The following NOL4 variants were observed in gnomAD, a reference collection of about 807,000 sequenced individuals.
The protein encoded by NOL4 is cancer/testis antigen 125.
Under a neutral mutation model 75.9 loss-of-function variants are expected in NOL4, and 17 were observed. That is an observed-to-expected ratio of 0.22 (90% CI 0.15 to 0.34). The LOEUF (loss-of-function observed/expected upper bound fraction) is 0.34. NOL4 is among the 10% of genes least tolerant of loss of function. NOL4 has a pLI of 1.00. For synonymous variants in NOL4, 292 were observed against 289.9 expected (o/e 1.01, Z -0.07); for missense variants, 614 against 793.5 (o/e 0.77, Z 2.72).
chr18:34,031,208 G>A (rs990791014), intron 5 of NOL4, among the ~76,000 whole-genome samples: 5 of 152,164 alleles, frequency 3.3e-5, no homozygotes, highest in Non-Finnish European at 7.4e-5. Flanking sequence ...GGCTATGTCC[G>A]TCTTTGTTCT....
intron 1 of NOL4, among the ~76,000 whole-genome samples, chr18:34,207,694 ACTT>A (rs772352902): frequency 4.7e-4 from 72 of 152,154 alleles, no homozygotes; most frequent in Non-Finnish European, 7.4e-4. Flanking sequence ...AAACTTTCTT[ACTT>A]CTTAGAGTTT....
chr18:34,201,689 G>C (rs1303690246), intron 1 of NOL4, among the ~76,000 whole-genome samples: 2 of 151,618 alleles, frequency 1.3e-5, no homozygotes, highest in African/African-American at 2.4e-5. Flanking sequence ...ACATTCCTAA[G>C]TTCCACAGAT....
chr18:34,142,273 C>A (rs967522324), intron 1 of NOL4, among the ~76,000 whole-genome samples: 1 of 152,142 alleles, frequency 6.6e-6, no homozygotes, highest in African/African-American at 2.4e-5. Flanking sequence ...GTCAGTGTGG[C>A]GATTCCTCAA....
intron 4 of NOL4, among the ~76,000 whole-genome samples, chr18:34,098,527 A>G (rs530923464): frequency 1.4e-4 from 22 of 152,226 alleles, no homozygotes; most frequent in Non-Finnish European, 3.1e-4. Context: ...AAGTAACAAA[A>G]TAAATCACCC....
At chr18:34,165,764 T>A (rs1054674558) in intron 1 of NOL4, among the ~76,000 whole-genome samples, 1 of 152,100 alleles carries the variant, frequency 6.6e-6, no homozygotes, top group Non-Finnish European at 1.5e-5. Flanking sequence ...CTCTAGATAA[T>A]CAAACCAGAG....
rs191938688 is a variant in NOL4 at position 33,990,885 on chromosome 18, C to A, written c.1056+28433G>T. 1.7e-3 allele frequency among the ~76,000 whole-genome samples: 261 copies of A among 152,174 alleles called. 2 individuals carry two copies. The highest frequency in any genetic ancestry group is 2.6e-3 in the Admixed American group (40 of 15,250). On this transcript the variant is annotated intron_variant, in intron 6 of 10. Coordinates refer to ENST00000261592, the MANE Select transcript of NOL4 (RefSeq NM_003787.5). Reference sequence around the variant, plus strand: ...TTTCATGCCATTTCAGCCAGACAGGCTTAAGCTCATATCCTAGATCTTGTT... The same window carrying A: ...TTTCATGCCATTTCAGCCAGACAGGATTAAGCTCATATCCTAGATCTTGTT...
chr18:34,159,880 G>C (rs2031172114), intron 1 of NOL4, among the ~76,000 whole-genome samples: 1 of 152,144 alleles, frequency 6.6e-6, no homozygotes, highest in Non-Finnish European at 1.5e-5. Context: ...CTCGCTGTAG[G>C]CCTCTCAGCG....
chr18:34,079,190 G>A (rs1360865439), intron 5 of NOL4, among the ~76,000 whole-genome samples: 1 of 152,110 alleles, frequency 6.6e-6, no homozygotes, highest in South Asian at 2.1e-4. Context: ...CTTTGGAAGT[G>A]TGGGTTGGCA....
chr18:34,037,863 T>C (rs570870379), intron 5 of NOL4, among the ~76,000 whole-genome samples: 55 of 152,074 alleles, frequency 3.6e-4, no homozygotes, highest in African/African-American at 1.2e-3. Context: ...AAGACTTCAA[T>C]AGCATAGAAA....
intron 6 of NOL4, among the ~76,000 whole-genome samples, chr18:33,989,139 G>A (rs1042008184): frequency 1.7e-5 from 2 of 117,596 alleles, no homozygotes; most frequent in South Asian, 5.8e-4. Flanking sequence ...AGTGAGCCAT[G>A]ATCACTCCAT....
At chr18:34,190,295 C>A (rs370416117) in intron 1 of NOL4, among the ~76,000 whole-genome samples, 1 of 151,708 alleles carries the variant, frequency 6.6e-6, no homozygotes, top group East Asian at 1.9e-4. Context: ...TGGCTAGAGG[C>A]CATCTGTAAC....
chr18:33,885,135 A>T (rs2064557552), intron 9 of NOL4, among the ~76,000 whole-genome samples: 1 of 151,134 alleles, frequency 6.6e-6, no homozygotes, highest in African/African-American at 2.4e-5. Context: ...GTTGATATAA[A>T]TTTATTTTCC....
At chr18:34,108,731 C>T (rs549390201) in intron 2 of NOL4, among the ~76,000 whole-genome samples, 2 of 152,236 alleles carry the variant, frequency 1.3e-5, no homozygotes, top group South Asian at 4.1e-4. Context: ...AAACAAACAG[C>T]AACACGTTAA....
intron 5 of NOL4, among the ~76,000 whole-genome samples, chr18:34,050,692 C>T (rs2076590583): frequency 6.6e-6 from 1 of 151,978 alleles, no homozygotes; most frequent in Non-Finnish European, 1.5e-5. Context: ...TTTTTATGAG[C>T]CCTAATTTTT....
chr18:34,064,180 A>G (rs928402950), intron 5 of NOL4, among the ~76,000 whole-genome samples: 5 of 152,102 alleles, frequency 3.3e-5, no homozygotes, highest in Non-Finnish European at 5.9e-5. Context: ...TTATTGAAAG[A>G]TAGAATGAGT....
chr18:34,084,859 A>G (rs1212931422), intron 5 of NOL4, among the ~76,000 whole-genome samples: 1 of 152,206 alleles, frequency 6.6e-6, no homozygotes, highest in African/African-American at 2.4e-5. Flanking sequence ...ATGCAACACC[A>G]GCTTCAAAGC....
At chr18:34,164,706 A>G (rs2032069653) in intron 1 of NOL4, among the ~76,000 whole-genome samples, 1 of 152,076 alleles carries the variant, frequency 6.6e-6, no homozygotes, top group Non-Finnish European at 1.5e-5. Flanking sequence ...ATCTTGAACT[A>G]GAAATACCAT....
At position 34,063,984 on chromosome 18, in the gene NOL4, A is replaced by G. The variant is rs954100947; in HGVS notation, c.772+29481T>C. 2.6e-5 allele frequency among the ~76,000 whole-genome samples: 4 copies of G among 152,010 alleles called. No individual in the cohort carries two copies. The East Asian group carries it at 7.7e-4, about 29-fold the overall frequency. On this transcript the variant is annotated intron_variant, in intron 5 of 10. Coordinates refer to ENST00000261592, the MANE Select transcript of NOL4 (RefSeq NM_003787.5). ...TCTATTTATGAAGTTGGAAGCTGAC[A>G]TTTATTTTTCCTTGCCACACACTGA...
At chr18:33,970,535 A>C (rs1334966716) in intron 6 of NOL4, among the ~76,000 whole-genome samples, 2 of 152,194 alleles carry the variant, frequency 1.3e-5, no homozygotes, top group African/African-American at 4.8e-5. Context: ...AATACACAAA[A>C]TTATTATAAA....
Sources: allele counts gnomAD v4.1 joint callset (sites outside exome capture counted in the v4.1 genomes callset), GRCh38; gene constraint gnomAD v4.1.1; transcripts MANE v1.5; gene names NCBI Gene and HGNC (gene_info 2026-07-23, HGNC 2026-07-21).